TRAPPC12: variants seen among roughly 807,000 people sequenced by gnomAD.
The protein encoded by TRAPPC12 is trafficking protein particle complex subunit 12.
In TRAPPC12, 61 loss-of-function variants were observed where a neutral mutation model predicts 69.2. The observed-to-expected ratio is 0.88, with a 90% CI of 0.72 to 1.09. The LOEUF is 1.09. Ranked by LOEUF, TRAPPC12 falls within the 50% of genes least tolerant of loss-of-function variation. TRAPPC12 has a pLI of 0.00. For synonymous variants in TRAPPC12, 469 were observed against 438.9 expected, an observed-to-expected ratio of 1.07 and a Z score of -0.86; for missense variants, 1,101 against 1,016.4, an observed-to-expected ratio of 1.08 and a Z score of -1.13.
intron 3 of TRAPPC12, among the ~76,000 whole-genome samples, chr2:3,420,625 C>G (rs1291240369): frequency 1.3e-5 from 2 of 152,182 alleles, no homozygotes; most frequent in African/African-American, 4.8e-5. Flanking sequence ...ACACAGCCCC[C>G]CACACCGCCG....
chr2:3,461,198 A>G (rs80026584), intron 8 of TRAPPC12, among the ~76,000 whole-genome samples: 1,635 of 152,316 alleles, frequency 0.011, 29 homozygotes, highest in East Asian at 0.072. Flanking sequence ...TGAACCCTGA[A>G]GTGGCAGCCC....
chr2:3,418,357 A>G (rs1470001972), intron 3 of TRAPPC12, among the ~76,000 whole-genome samples: 1 of 152,148 alleles, frequency 6.6e-6, no homozygotes, highest in Admixed American at 6.5e-5. Context: ...TCACGTGACT[A>G]CAGGAGCATC....
chr2:3,388,134 T>C lies in TRAPPC12; in HGVS notation c.511T>C (p.Ser171Pro). The C allele has an allele frequency of 6.3e-7, 1 of 1,594,070 alleles. No homozygotes were observed. The highest frequency in any genetic ancestry group is 8.5e-7 in the Non-Finnish European group (1 of 1,172,464). Residue 171 changes from serine to proline, a missense_variant, in exon 2 of 12, where the codon TCC becomes CCC. Ser to Pro is a moderately conservative substitution (Grantham distance 74). Transcript: ENST00000324266. Reference protein sequence around the residue: ...TIFSQRAPPASGDGFEPQMVK... With the variant: ...TIFSQRAPPAPGDGFEPQMVK... Reference sequence around the variant, plus strand: ...CTTCAGCCAGCGCGCGCCCCCAGCCTCCGGGGACGGCTTCGAGCCGCAGAT... The same window carrying C: ...CTTCAGCCAGCGCGCGCCCCCAGCCCCCGGGGACGGCTTCGAGCCGCAGAT...
intron 5 of TRAPPC12, among the ~76,000 whole-genome samples, chr2:3,440,365 A>T (rs1664132878): frequency 1.3e-5 from 2 of 152,186 alleles, no homozygotes; most frequent in Admixed American, 1.3e-4. Flanking sequence ...GAATTTTTTC[A>T]TCAGAGTTTT....
intron 3 of TRAPPC12, 150 bp from the exon 4 acceptor site, chr2:3,421,731 C>T (rs1456070788): frequency 5.3e-6 from 4 of 751,972 alleles, no homozygotes; most frequent in Non-Finnish European, 9.6e-6. Context: ...TCCGTGCCGT[C>T]AGCACACTGA....
rs1379482934 is a variant in TRAPPC12, at chr2:3,423,578, T to C, written c.1279-947T>C. Reference sequence around the variant, plus strand: ...GTTCAGTGTTTTCAGATTCCATGTGTAAGTGAGGTCACACGGTGTTTGTCT... The same window carrying C: ...GTTCAGTGTTTTCAGATTCCATGTGCAAGTGAGGTCACACGGTGTTTGTCT... On this transcript the variant is annotated intron_variant, in intron 4 of 11. Coordinates refer to ENST00000324266, the MANE Select transcript of TRAPPC12 (RefSeq NM_016030.6). Among the ~76,000 whole-genome samples the C allele has an allele frequency of 2.6e-5, 4 of 151,152 alleles. No homozygotes were observed. In the East Asian group the frequency reaches 7.9e-4, roughly 30 times the overall value.
chr2:3,471,492 C>T (rs1666058080), intron 9 of TRAPPC12, among the ~76,000 whole-genome samples: 1 of 152,186 alleles, frequency 6.6e-6, no homozygotes, highest in South Asian at 2.1e-4. Context: ...GTCCCTTCAT[C>T]TTCATCACAC....
intron 1 of TRAPPC12, among the ~76,000 whole-genome samples, chr2:3,385,207 C>T (rs1055484272): frequency 2.6e-5 from 4 of 152,052 alleles, no homozygotes; most frequent in South Asian, 2.1e-4. Flanking sequence ...AGAAGAAACC[C>T]TCAGATCCTT....
chr2:3,441,145 G>GT lies in TRAPPC12; in HGVS notation c.1418-2625dup, dbSNP rs1291507608. On this transcript the variant is annotated intron_variant, in intron 5 of 11. Transcript: ENST00000324266. ...TGTTCATGAGACATATTGGTCTACA[G>GT]TTTTTTTTTCTTGTAACGTCTTTGT... Among the ~76,000 whole-genome samples the GT allele has an allele frequency of 1.7e-4, 25 of 151,500 alleles. 1 individual carries two copies. Among genetic ancestry groups the GT allele is most frequent in the South Asian group, 2.1e-4 (1 of 4,804 alleles).
rs2103055055 is a variant in TRAPPC12 at position 3,422,009 on chromosome 2, C to T, written c.1278+15C>T. ...ATTCACTGCAGGTGAGAACACCTTTCAGGTGCTGGAGTTTAACCTGGCTTA... is the reference window on the plus strand; with the variant it reads ...ATTCACTGCAGGTGAGAACACCTTTTAGGTGCTGGAGTTTAACCTGGCTTA... On this transcript the variant is annotated intron_variant, in intron 4 of 11. Coordinates refer to ENST00000324266, the MANE Select transcript of TRAPPC12 (RefSeq NM_016030.6). 4 of 1,596,106 alleles carry T rather than the reference C, an allele frequency of 2.5e-6. No individual in the cohort carries two copies. The highest frequency in any genetic ancestry group is 2.6e-6 in the Non-Finnish European group (3 of 1,169,024).
chr2:3,412,676 G>C (rs1389205520), intron 3 of TRAPPC12, among the ~76,000 whole-genome samples: 2 of 152,210 alleles, frequency 1.3e-5, no homozygotes, highest in Non-Finnish European at 1.5e-5. Flanking sequence ...CGGCGACACA[G>C]AGCGGCCAGC....
chr2:3,382,930 A>G (rs1164313537), intron 1 of TRAPPC12, among the ~76,000 whole-genome samples: 1 of 152,224 alleles, frequency 6.6e-6, no homozygotes, highest in African/African-American at 2.4e-5. Flanking sequence ...GTCTCATAAA[A>G]TAATAATACT....
intron 3 of TRAPPC12, among the ~76,000 whole-genome samples, chr2:3,419,157 T>G (rs2103048555): frequency 6.6e-6 from 1 of 152,320 alleles, no homozygotes; most frequent in South Asian, 2.1e-4. Context: ...GGTCATGTCC[T>G]GAGGGAAGAG....
intron 11 of TRAPPC12, 30 bp downstream of exon 11, chr2:3,478,963 T>A: frequency 6.2e-7 from 1 of 1,604,362 alleles, no homozygotes; most frequent in African/African-American, 1.3e-5. Flanking sequence ...GGATCCTCCA[T>A]CCTCTGCCTT....
intron 9 of TRAPPC12, among the ~76,000 whole-genome samples, chr2:3,468,899 A>T (rs895262573): frequency 2.2e-4 from 33 of 152,170 alleles, no homozygotes; most frequent in African/African-American, 7.7e-4. Context: ...ATTGCAGTCG[A>T]TGAGAGGTCA....
intron 9 of TRAPPC12, among the ~76,000 whole-genome samples, chr2:3,474,123 A>T (rs1666187584): frequency 1.3e-5 from 2 of 152,188 alleles, no homozygotes; most frequent in Admixed American, 1.3e-4. Flanking sequence ...CAGGTGAAGG[A>T]GCTGAGAACT....
chr2:3,432,526 G>A (rs760982022), intron 5 of TRAPPC12, among the ~76,000 whole-genome samples: 4 of 152,072 alleles, frequency 2.6e-5, no homozygotes, highest in Non-Finnish European at 4.4e-5. Context: ...TTCCAGTGTC[G>A]GATTTTATTT....
chr2:3,426,830 G>A (rs1317324311), intron 5 of TRAPPC12, among the ~76,000 whole-genome samples: 1 of 152,238 alleles, frequency 6.6e-6, no homozygotes, highest in African/African-American at 2.4e-5. Flanking sequence ...GCACGTAGGT[G>A]GTTCCCACAT....
chr2:3,447,528 A>G (rs571070091), intron 6 of TRAPPC12, among the ~76,000 whole-genome samples: 1 of 152,264 alleles, frequency 6.6e-6, no homozygotes, highest in East Asian at 1.9e-4. Context: ...CAAGGTAACT[A>G]ACAGAGCCAG....
Sources: gnomAD v4.1 joint callset for allele counts (sites outside exome capture counted in the v4.1 genomes callset) on GRCh38, gnomAD v4.1.1 for gene constraint, MANE v1.5 for transcripts, NCBI Gene and HGNC (gene_info 2026-07-23, HGNC 2026-07-21) for gene names.